The following ARHGAP25 variants were observed in gnomAD, a reference collection of about 807,000 sequenced individuals.
The protein encoded by ARHGAP25 is rho GTPase-activating protein 25.
ARHGAP25 carries 34 observed loss-of-function variants against 71.0 expected under a neutral mutation model. That is an observed-to-expected ratio of 0.48 (90% CI 0.36 to 0.64). The LOEUF is 0.64. Among genes scored for constraint, ARHGAP25 ranks in the 30% least tolerant of loss-of-function variants. ARHGAP25 has a pLI of 0.00. For missense variants in ARHGAP25, 706 were observed against 805.1 expected, an observed-to-expected ratio of 0.88 and a Z score of 1.49; for synonymous variants, 282 against 296.5, an observed-to-expected ratio of 0.95 and a Z score of 0.50.
intron 1 of ARHGAP25, among the ~76,000 whole-genome samples, chr2:68,754,069 A>AT (rs745960861): frequency 1.1e-3 from 169 of 151,838 alleles, no homozygotes; most frequent in Non-Finnish European, 2.1e-3. Flanking sequence ...TGCCCAGCTA[A>AT]TTTTTTTGTA....
intron 1 of ARHGAP25, among the ~76,000 whole-genome samples, chr2:68,761,508 T>C (rs979015268): frequency 2.0e-5 from 3 of 148,572 alleles, no homozygotes; most frequent in Non-Finnish European, 4.5e-5. Flanking sequence ...ATATCCAGAA[T>C]GTATAAAAAG....
chr2:68,811,807 T>C (rs1680847287), intron 5 of ARHGAP25, among the ~76,000 whole-genome samples: 1 of 152,054 alleles, frequency 6.6e-6, no homozygotes, highest in Admixed American at 6.5e-5. Context: ...ACCCCTCCCT[T>C]CCCTCCTAGG....
At chr2:68,818,645 C>T (rs1681408624) in intron 8 of ARHGAP25, among the ~76,000 whole-genome samples, 1 of 152,198 alleles carries the variant, frequency 6.6e-6, no homozygotes, top group Non-Finnish European at 1.5e-5. Flanking sequence ...ATTTTACAAG[C>T]CAGCCCACAA....
chr2:68,748,622 G>T (rs1375149812), intron 1 of ARHGAP25, among the ~76,000 whole-genome samples: 4 of 151,304 alleles, frequency 2.6e-5, no homozygotes, highest in Admixed American at 6.6e-5. Context: ...AAGTTAAAAT[G>T]AGTCCAAAGC....
At chr2:68,819,692 A>G (rs1333356644) in intron 9 of ARHGAP25, 3 of 541,850 alleles carry the variant, frequency 5.5e-6, no homozygotes, top group Admixed American at 3.3e-5. Flanking sequence ...GAACGTCCAG[A>G]GAAAACTGGT....
Position 68,813,484 on chromosome 2 carries a change from C to T in ARHGAP25, c.807+65C>T, listed in dbSNP as rs965356458. The stretch of plus-strand genomic sequence containing the variant: ...GTGATTGGTTTTCTGGACACTAATC[C>T]AGTAGGCAACAGTGGGTCAAGGGGC... On this transcript the variant is annotated intron_variant, in intron 6 of 10. Transcript: ENST00000409202. The T allele has an allele frequency of 7.1e-6, 11 of 1,544,814 alleles. No homozygotes were observed. In the African/African-American group the frequency reaches 9.7e-5, roughly 14 times the overall value.
At chr2:68,761,101 T>A (rs913496841) in intron 1 of ARHGAP25, among the ~76,000 whole-genome samples, 1 of 152,042 alleles carries the variant, frequency 6.6e-6, no homozygotes, top group African/African-American at 2.4e-5. Flanking sequence ...TATGGTCAAA[T>A]GATTTTCAAC....
intron 1 of ARHGAP25, among the ~76,000 whole-genome samples, chr2:68,768,282 C>T (rs1677255925): frequency 6.6e-6 from 1 of 152,310 alleles, no homozygotes; most frequent in Non-Finnish European, 1.5e-5. Flanking sequence ...ACTTGATATT[C>T]ATTATTGTTA....
chr2:68,822,865 A>G lies in ARHGAP25; in HGVS notation c.1726A>G (p.Ile576Val), dbSNP rs773919435. The change falls in exon 10 of 11, where the codon ATT becomes GTT. Residue 576 changes from isoleucine to valine, a missense_variant. Transcript: ENST00000409202. ...ACAGAAGCAAATGTATGAGGAACAG[A>G]TTAAAAAGTAAGTCAGACAGAGGGG... Reference protein sequence around the residue: ...ETQKQMYEEQIKNLEKENYDV... With the variant: ...ETQKQMYEEQVKNLEKENYDV... 4.3e-6 allele frequency: 7 copies of G among 1,609,296 alleles called. No homozygotes were observed. The South Asian group carries it at 7.7e-5, about 18-fold the overall frequency.
chr2:68,807,630 T>A lies in ARHGAP25; in HGVS notation c.674+150T>A, dbSNP rs550009178. 478 of 791,058 alleles carry A rather than the reference T, an allele frequency of 6.0e-4. 9 individuals carry two copies. In the South Asian group the frequency reaches 8.3e-3, roughly 14 times the overall value. The allele number at this position is 791,058 out of a possible 1,614,324, so 49.0% of individuals were successfully genotyped here. On this transcript the variant is annotated intron_variant, in intron 5 of 10. Coordinates refer to ENST00000409202, the MANE Select transcript of ARHGAP25 (RefSeq NM_001007231.3). ...ACAGAAAGAGCCTTTGTTTCGCCCA[T>A]GATTGGGAATTTGGGAGACGGGAGC...
At chr2:68,772,648 T>C (rs1232814958) in intron 1 of ARHGAP25, among the ~76,000 whole-genome samples, 1 of 152,252 alleles carries the variant, frequency 6.6e-6, no homozygotes, top group Non-Finnish European at 1.5e-5. Context: ...CTTAGAGAGA[T>C]ACAGAACTGT....
intron 1 of ARHGAP25, among the ~76,000 whole-genome samples, chr2:68,772,687 A>G (rs1677565565): frequency 6.6e-6 from 1 of 152,274 alleles, no homozygotes; most frequent in Admixed American, 6.5e-5. Flanking sequence ...CCTCCTCCCC[A>G]TTGTATTCTG....
intron 1 of ARHGAP25, among the ~76,000 whole-genome samples, chr2:68,752,355 TA>T (rs745898834): frequency 6.6e-6 from 1 of 151,574 alleles, no homozygotes; most frequent in African/African-American, 2.4e-5. Context: ...GAATGCCATT[TA>T]AAGGAGACAC....
intron 1 of ARHGAP25, among the ~76,000 whole-genome samples, chr2:68,771,771 AC>A (rs1236703530): frequency 1.3e-5 from 2 of 152,154 alleles, no homozygotes; most frequent in African/African-American, 4.8e-5. Flanking sequence ...CTAACTTATA[AC>A]AGGTGGCCCA....
intron 5 of ARHGAP25, among the ~76,000 whole-genome samples, chr2:68,810,222 TAA>T (rs1680684974): frequency 6.6e-6 from 1 of 151,104 alleles, no homozygotes; most frequent in Admixed American, 6.6e-5. Flanking sequence ...ATTTAGACCA[TAA>T]AATAGACATC....
chr2:68,759,634 C>T (rs1676681913), intron 1 of ARHGAP25, among the ~76,000 whole-genome samples: 1 of 151,978 alleles, frequency 6.6e-6, no homozygotes, highest in Admixed American at 6.6e-5. Flanking sequence ...ACCTGATGTC[C>T]TCACCAGTGT....
At chr2:68,777,258 C>T (rs1308343324) in intron 2 of ARHGAP25, among the ~76,000 whole-genome samples, 3 of 152,142 alleles carry the variant, frequency 2.0e-5, no homozygotes, top group Non-Finnish European at 4.4e-5. Context: ...GAGTGTGTTT[C>T]CATGAAGTGT....
chr2:68,759,084 A>C (rs2104336917), intron 1 of ARHGAP25, among the ~76,000 whole-genome samples: 1 of 152,008 alleles, frequency 6.6e-6, no homozygotes, highest in South Asian at 2.1e-4. Context: ...ACATGTCAAA[A>C]CTATGGAAAA....
rs577234569 is a variant in ARHGAP25, at chr2:68,718,028, G to A, written c.-18+7330G>A. Among the ~76,000 whole-genome samples the A allele has an allele frequency of 2.6e-5, 4 of 152,202 alleles. No individual in the cohort carries two copies. The South Asian group carries it at 6.2e-4, about 24-fold the overall frequency. On this transcript the variant is annotated intron_variant and NMD_transcript_variant, in intron 2 of 7. Transcript: ENST00000463483. ...CTGGGCAACAGATAATTCACTTGGT[G>A]GGAGTAGAAGTAAATGGTGTACTAC...
Sources: gnomAD v4.1 joint callset for allele counts (sites outside exome capture counted in the v4.1 genomes callset) on GRCh38, gnomAD v4.1.1 for gene constraint, MANE v1.5 for transcripts, NCBI Gene and HGNC (gene_info 2026-07-23, HGNC 2026-07-21) for gene names.